Variants in DDC observed in about 807,000 individuals in gnomAD.
DDC encodes dopa decarboxylase.
DDC carries 43 observed loss-of-function variants against 60.0 expected under a neutral mutation model. That is an observed-to-expected ratio of 0.72 (90% CI 0.56 to 0.92). The LOEUF (loss-of-function observed/expected upper bound fraction) is 0.92, where lower values mean the gene tolerates loss of function less well. DDC is among the 40% of genes least tolerant of loss of function. The probability of loss-of-function intolerance (pLI) is 0.00; values close to 1 mark genes in which losing one functional copy is unlikely to be tolerated. For synonymous variants in DDC, 232 were observed against 234.6 expected, an observed-to-expected ratio of 0.99 and a Z score of 0.10; for missense variants, 573 against 620.2, an observed-to-expected ratio of 0.92 and a Z score of 0.81.
intron 7 of DDC, 72 bp downstream of exon 7, chr7:50,503,921 A>G (rs2043320479): frequency 9.4e-7 from 1 of 1,066,358 alleles, no homozygotes; most frequent in Non-Finnish European, 1.5e-6. Flanking sequence ...AAAGAGATCA[A>G]CGAGGAAGGT....
intron 13 of DDC, among the ~76,000 whole-genome samples, chr7:50,465,403 C>G (rs964169470): frequency 1.3e-4 from 20 of 152,138 alleles, no homozygotes; most frequent in Non-Finnish European, 2.2e-4. Flanking sequence ...CAGAGTCTTG[C>G]TCTGTCGCCC....
chr7:50,501,813 C>A (rs1000835762), intron 7 of DDC, among the ~76,000 whole-genome samples: 53 of 152,270 alleles, frequency 3.5e-4, no homozygotes, highest in African/African-American at 1.3e-3. Flanking sequence ...GTGGGTTACG[C>A]CTGTAATTCC....
At chr7:50,484,097 C>G (rs899232982) in intron 9 of DDC, among the ~76,000 whole-genome samples, 1 of 152,092 alleles carries the variant, frequency 6.6e-6, no homozygotes, top group Admixed American at 6.6e-5. Flanking sequence ...ATAATGCTCC[C>G]TTACTATTTT....
chr7:50,517,722 G>A (rs1367520781), intron 6 of DDC, among the ~76,000 whole-genome samples: 5 of 149,688 alleles, frequency 3.3e-5, no homozygotes, highest in Non-Finnish European at 7.4e-5. Context: ...AAAGAATTCA[G>A]CAAAGTTTCT....
intron 9 of DDC, chr7:50,493,093 T>C: frequency 9.2e-7 from 1 of 1,081,414 alleles, no homozygotes; most frequent in South Asian, 1.3e-5. Flanking sequence ...ATATTTCTGG[T>C]CCCTGACCGC....
chr7:50,525,327 A>G (rs1226788745), intron 6 of DDC, among the ~76,000 whole-genome samples: 2 of 152,192 alleles, frequency 1.3e-5, no homozygotes, highest in Admixed American at 6.5e-5. Context: ...TACACACACA[A>G]TGAACCAGTG....
chr7:50,511,991 A>G (rs1027913206), intron 6 of DDC, among the ~76,000 whole-genome samples: 47 of 152,198 alleles, frequency 3.1e-4, no homozygotes, highest in African/African-American at 1.1e-3. Flanking sequence ...CTCATAAATC[A>G]CCACTAAAAA....
intron 6 of DDC, among the ~76,000 whole-genome samples, chr7:50,508,638 C>G (rs747211750): frequency 1.3e-5 from 2 of 152,210 alleles, no homozygotes; most frequent in Non-Finnish European, 2.9e-5. Flanking sequence ...GTGCCCCTTG[C>G]CCTCAGCAGC....
intron 14 of DDC, chr7:50,459,820 C>G (rs1419709247): frequency 1.3e-5 from 2 of 151,426 alleles, no homozygotes; most frequent in Non-Finnish European, 2.9e-5. Context: ...CCGCCCCGTC[C>G]GGGAGGGAGG....
intron 11 of DDC, among the ~76,000 whole-genome samples, chr7:50,472,709 A>G (rs1195664007): frequency 6.6e-6 from 1 of 152,156 alleles, no homozygotes; most frequent in African/African-American, 2.4e-5. Context: ...TGTGCCGTTC[A>G]CCATCAGAAA....
chr7:50,481,819 T>G (rs1175035468), intron 9 of DDC, among the ~76,000 whole-genome samples: 1 of 152,196 alleles, frequency 6.6e-6, no homozygotes, highest in Non-Finnish European at 1.5e-5. Flanking sequence ...TTAAGATGTA[T>G]TATCTTAAAT....
intron 9 of DDC, among the ~76,000 whole-genome samples, chr7:50,488,435 G>A (rs1452694029): frequency 6.6e-6 from 1 of 151,850 alleles, no homozygotes; most frequent in Non-Finnish European, 1.5e-5. Context: ...ATATTAAGTG[G>A]TATTTTTGGT....
chr7:50,555,763 T>C (rs2045163549), intron 1 of DDC, among the ~76,000 whole-genome samples: 1 of 152,132 alleles, frequency 6.6e-6, no homozygotes, highest in African/African-American at 2.4e-5. Flanking sequence ...CTTTAACAGA[T>C]GAGAAGACCG....
intron 7 of DDC, among the ~76,000 whole-genome samples, chr7:50,501,382 AACTATCC>A (rs151024896): frequency 2.4e-3 from 373 of 152,270 alleles, no homozygotes; most frequent in Non-Finnish European, 4.3e-3. Flanking sequence ...AACTGACTTC[AACTATCC>A]ACTTTTTGTA....
intron 4 of DDC, among the ~76,000 whole-genome samples, chr7:50,537,260 A>C (rs1410132545): frequency 6.6e-6 from 1 of 152,246 alleles, no homozygotes; most frequent in Non-Finnish European, 1.5e-5. Context: ...TGATTGGTTC[A>C]AAGACAAATA....
chr7:50,475,473 G>A (rs1205901963), intron 11 of DDC, among the ~76,000 whole-genome samples: 3 of 152,046 alleles, frequency 2.0e-5, no homozygotes, highest in African/African-American at 7.2e-5. Context: ...AGCCTTGATG[G>A]CTTGGGAAGG....
At chr7:50,541,125 C>G (rs2044615918) in intron 2 of DDC, among the ~76,000 whole-genome samples, 2 of 152,246 alleles carry the variant, frequency 1.3e-5, no homozygotes, top group Non-Finnish European at 2.9e-5. Context: ...TGTGACCACG[C>G]ACTGGTTTCT....
chr7:50,517,472 C>G (rs754776920), intron 6 of DDC, among the ~76,000 whole-genome samples: 3 of 152,170 alleles, frequency 2.0e-5, no homozygotes, highest in Non-Finnish European at 2.9e-5. Context: ...CAACATAATA[C>G]TGAATGGGGA....
intron 2 of DDC, chr7:50,543,067 A>G (rs11575298): frequency 0.1 from 15,345 of 152,832 alleles, 829 homozygotes; most frequent in Middle Eastern, 0.12. Flanking sequence ...GCAGTGATCA[A>G]CCAGTGGAGC....
Sources: gnomAD v4.1 joint callset for allele counts (sites outside exome capture counted in the v4.1 genomes callset) on GRCh38, gnomAD v4.1.1 for gene constraint, MANE v1.5 for transcripts, NCBI Gene and HGNC (gene_info 2026-07-23, HGNC 2026-07-21) for gene names.